SLC11A2: variants seen among roughly 807,000 people sequenced by gnomAD.
SLC11A2 encodes the protein natural resistance-associated macrophage protein 2.
Under a neutral mutation model 68.0 loss-of-function variants are expected in SLC11A2, and 38 were observed. The observed-to-expected ratio is 0.56, with a 90% confidence interval of 0.43 to 0.73. The LOEUF (loss-of-function observed/expected upper bound fraction) is 0.73, where lower values mean the gene tolerates loss of function less well. Ranked by LOEUF, SLC11A2 falls within the 30% of genes least tolerant of loss-of-function variation. The pLI is 0.00. For synonymous variants in SLC11A2, 242 were observed against 250.6 expected (o/e 0.97, Z 0.32); for missense variants, 517 against 690.5 (o/e 0.75, Z 2.82).
chr12:51,004,636 G>A (rs1368697099), intron 5 of SLC11A2, 152 bp downstream of exon 5: 4 of 743,474 alleles, frequency 5.4e-6, no homozygotes, highest in Non-Finnish European at 9.3e-6. Flanking sequence ...AGCAGGAGGA[G>A]CTACAGTATT....
intron 1 of SLC11A2, among the ~76,000 whole-genome samples, chr12:51,018,675 G>A (rs1272660339): frequency 2.0e-5 from 3 of 151,506 alleles, no homozygotes; most frequent in Non-Finnish European, 4.4e-5. Context: ...GACTGAGGTG[G>A]GCAGACTGCT....
chr12:50,986,146 T>C lies in SLC11A2; in HGVS notation c.*2179A>G. 7.8e-7 allele frequency: 1 copy of C among 1,286,110 alleles called. No individual in the cohort carries two copies. Among genetic ancestry groups the C allele is most frequent in the Non-Finnish European group, 1.0e-6 (1 of 987,770 alleles). The allele number at this position is 1,286,110 out of a possible 1,614,324, so 79.7% of individuals were successfully genotyped here. On this transcript the variant is annotated 3_prime_UTR_variant, in exon 16 of 16. Coordinates refer to ENST00000262052, the MANE Select transcript of SLC11A2 (RefSeq NM_000617.3). The stretch of plus-strand genomic sequence containing the variant: ...TCCCCTGTTAATTTCCAGTATAATG[T>C]AGCAGCACAATTATTTCATGTCACA...
the SLC11A2 span, among the ~76,000 whole-genome samples, chr12:50,962,236 C>T: frequency 1.3e-5 from 2 of 148,284 alleles, no homozygotes; most frequent in African/African-American, 5.0e-5. Context: ...AAAAATTACA[C>T]ACACACACAC....
rs1356514562 is a variant in SLC11A2 at position 51,026,347 on chromosome 12, C to T, written c.-76G>A. 4.7e-6 allele frequency: 6 copies of T among 1,281,140 alleles called. No individual in the cohort carries two copies. Among genetic ancestry groups the T allele is most frequent in the Non-Finnish European group, 6.1e-6 (6 of 983,876 alleles). 79.4% of individuals were successfully genotyped at this position (1,281,140 alleles called of 1,614,324 possible). On this transcript the variant is annotated 5_prime_UTR_variant, in exon 1 of 16. Coordinates refer to ENST00000262052, the MANE Select transcript of SLC11A2 (RefSeq NM_000617.3). ...GCAACCACCTGACACGCCGCCCCCG[C>T]GCCCAGGGCTCCATATTCCGGGAGC...
intron 3 of SLC11A2, 76 bp from the exon 4 acceptor site, chr12:51,005,512 T>C: frequency 1.3e-6 from 2 of 1,599,088 alleles, no homozygotes; most frequent in Non-Finnish European, 1.7e-6. Context: ...TTATCACATA[T>C]GAAGCAACAA....
At chr12:51,018,374 A>G (rs1418919923) in intron 1 of SLC11A2, among the ~76,000 whole-genome samples, 1 of 151,896 alleles carries the variant, frequency 6.6e-6, no homozygotes, top group Non-Finnish European at 1.5e-5. Flanking sequence ...AGCCTGGGCA[A>G]CCAAGCAAGA....
intron 8 of SLC11A2, 109 bp from the exon 9 acceptor site, chr12:50,997,081 A>AT (rs1284775690): frequency 2.1e-5 from 18 of 865,178 alleles, no homozygotes; most frequent in Non-Finnish European, 2.9e-5. Context: ...CTTCTTCCTT[A>AT]TTTTTATATT....
chr12:50,957,937 G>GGTGT, the SLC11A2 span, among the ~76,000 whole-genome samples: 16,333 of 132,208 alleles, frequency 0.12, 1,221 homozygotes, highest in Non-Finnish European at 0.17. Flanking sequence ...ATGAATTGGA[G>GGTGT]GTGTGTGTGT....
At chr12:50,954,244 G>A in the SLC11A2 span, 1 of 518,156 alleles carries the variant, frequency 1.9e-6, no homozygotes, top group Non-Finnish European at 3.4e-6. Context: ...TTTCAGAATA[G>A]TTCCTAATAC....
At chr12:51,011,148 A>G (rs1264811866) in intron 1 of SLC11A2, among the ~76,000 whole-genome samples, 1 of 146,708 alleles carries the variant, frequency 6.8e-6, no homozygotes, top group Admixed American at 7.0e-5. Flanking sequence ...TGAGTCTTTG[A>G]GTCGGAGTCT....
the SLC11A2 span, among the ~76,000 whole-genome samples, chr12:50,954,660 A>G: frequency 6.6e-6 from 1 of 151,798 alleles, no homozygotes; most frequent in Non-Finnish European, 1.5e-5. Context: ...CAGGAGGTGC[A>G]GGTTGCGGTG....
the SLC11A2 span, among the ~76,000 whole-genome samples, chr12:50,965,666 C>T: frequency 6.6e-6 from 1 of 152,162 alleles, no homozygotes; most frequent in African/African-American, 2.4e-5. Flanking sequence ...GACTGGTAGG[C>T]CACACTCATT....
At chr12:50,971,675 C>T in the SLC11A2 span, among the ~76,000 whole-genome samples, 3 of 152,038 alleles carry the variant, frequency 2.0e-5, no homozygotes, top group African/African-American at 7.2e-5. Context: ...AAGCTTAATC[C>T]CAAAGACTCC....
At chr12:50,994,655 C>T (rs17216030) in intron 10 of SLC11A2, 25 bp from the exon 11 acceptor site, 1 of 1,470,958 alleles carries the variant, frequency 6.8e-7, no homozygotes, top group South Asian at 1.1e-5. Flanking sequence ...AATTCAACAG[C>T]AACTTTTGTT....
intron 2 of SLC11A2, among the ~76,000 whole-genome samples, chr12:51,008,887 T>C (rs557377527): frequency 6.6e-6 from 1 of 151,754 alleles, no homozygotes; most frequent in Non-Finnish European, 1.5e-5. Flanking sequence ...AGTCACTCAA[T>C]TCTCTAGATC....
At chr12:50,973,062 G>A in the SLC11A2 span, among the ~76,000 whole-genome samples, 1 of 152,168 alleles carries the variant, frequency 6.6e-6, no homozygotes, top group Non-Finnish European at 1.5e-5. Flanking sequence ...TCCACCTCTG[G>A]GGGCAGGGCA....
chr12:51,008,419 T>G, intron 3 of SLC11A2, 57 bp downstream of exon 3: 1 of 1,492,032 alleles, frequency 6.7e-7, no homozygotes. Context: ...CAGCAGATCT[T>G]TCACTCACAG....
chr12:51,009,099 A>G (rs1272555299), intron 2 of SLC11A2: 3 of 1,391,196 alleles, frequency 2.2e-6, no homozygotes, highest in Middle Eastern at 1.7e-4. Flanking sequence ...CCCACCTCCT[A>G]TATTTGGTAG....
the SLC11A2 span, among the ~76,000 whole-genome samples, chr12:50,962,910 A>G: frequency 6.6e-6 from 1 of 152,184 alleles, no homozygotes; most frequent in Non-Finnish European, 1.5e-5. Flanking sequence ...GTGGAACTCT[A>G]CATAGCTTGG....
Sources: allele counts gnomAD v4.1 joint callset (sites outside exome capture counted in the v4.1 genomes callset), GRCh38; gene constraint gnomAD v4.1.1; transcripts MANE v1.5; gene names NCBI Gene and HGNC (gene_info 2026-07-23, HGNC 2026-07-21).